PTPRJ: variants seen among roughly 807,000 people sequenced by gnomAD.
PTPRJ encodes the protein protein tyrosine phosphatase receptor type J, also known as receptor-type tyrosine-protein phosphatase eta.
Under a neutral mutation model 141.3 loss-of-function variants are expected in PTPRJ, and 129 were observed. The observed-to-expected ratio is 0.91, with a 90% CI of 0.79 to 1.06. The LOEUF is 1.06. Ranked by LOEUF, PTPRJ falls within the 50% of genes least tolerant of loss-of-function variation. PTPRJ has a pLI of 0.00. For synonymous variants in PTPRJ, 610 were observed against 640.5 expected, an observed-to-expected ratio of 0.95 and a Z score of 0.72; for missense variants, 1,601 against 1,679.7, an observed-to-expected ratio of 0.95 and a Z score of 0.82.
intron 4 of PTPRJ, among the ~76,000 whole-genome samples, chr11:48,122,615 A>G (rs1856732391): frequency 1.3e-5 from 2 of 152,166 alleles, no homozygotes; most frequent in African/African-American, 2.4e-5. Flanking sequence ...CCGGAGTCTA[A>G]CTCTAGACCA....
At chr11:48,071,157 C>T (rs1196178328) in intron 1 of PTPRJ, among the ~76,000 whole-genome samples, 6 of 152,176 alleles carry the variant, frequency 3.9e-5, no homozygotes, top group Admixed American at 3.3e-4. Flanking sequence ...GTTCACTTTT[C>T]TTCCAGTGCA....
chr11:48,145,558 G>GTTTTTTTTTTTTTTTTTT (rs574426609), intron 14 of PTPRJ, among the ~76,000 whole-genome samples: 2 of 117,504 alleles, frequency 1.7e-5, no homozygotes, highest in African/African-American at 3.2e-5. Context: ...TTTATTTTAT[G>GTTTTTTTTTTTTTTTTTT]TTTTTTTTTT....
chr11:48,023,004 G>A (rs998391350), intron 1 of PTPRJ, among the ~76,000 whole-genome samples: 7 of 152,072 alleles, frequency 4.6e-5, no homozygotes, highest in Non-Finnish European at 7.4e-5. Flanking sequence ...GGGATAGGGC[G>A]GTGGGTAAAA....
intron 1 of PTPRJ, among the ~76,000 whole-genome samples, chr11:48,040,483 A>T (rs532167055): frequency 6.6e-6 from 1 of 152,270 alleles, no homozygotes; most frequent in South Asian, 2.1e-4. Flanking sequence ...TTGTTTCTAA[A>T]GTGCAGATCT....
At chr11:48,066,563 T>G (rs1565285768) in intron 1 of PTPRJ, among the ~76,000 whole-genome samples, 1 of 78,412 alleles carries the variant, frequency 1.3e-5, no homozygotes, top group Non-Finnish European at 2.5e-5. Flanking sequence ...CGTATTATTA[T>G]TATTATTATT....
intron 8 of PTPRJ, chr11:48,132,081 G>A: frequency 4.3e-6 from 4 of 936,186 alleles, no homozygotes; most frequent in Non-Finnish European, 5.1e-6. Flanking sequence ...TTTTAAGATG[G>A]TAAAGAAGTC....
At chr11:48,048,986 C>T (rs1415603121) in intron 1 of PTPRJ, among the ~76,000 whole-genome samples, 2 of 152,066 alleles carry the variant, frequency 1.3e-5, no homozygotes, top group African/African-American at 4.8e-5. Flanking sequence ...TGTGTGGCAC[C>T]CAGAGAGCAC....
chr11:48,141,064 C>T (rs1428234614), intron 11 of PTPRJ, among the ~76,000 whole-genome samples: 7 of 152,112 alleles, frequency 4.6e-5, no homozygotes, highest in Middle Eastern at 3.4e-3. Flanking sequence ...ACAGGCTGGG[C>T]GTGGTGGCTT....
intron 1 of PTPRJ, among the ~76,000 whole-genome samples, chr11:48,104,448 G>A (rs1287150483): frequency 1.3e-5 from 2 of 152,130 alleles, no homozygotes; most frequent in Non-Finnish European, 1.5e-5. Flanking sequence ...TGCTTGAAGC[G>A]GTTCACATTT....
chr11:48,032,532 G>T (rs960468452), intron 1 of PTPRJ, among the ~76,000 whole-genome samples: 2 of 152,042 alleles, frequency 1.3e-5, no homozygotes, highest in African/African-American at 4.8e-5. Context: ...GGCAGAGGTG[G>T]GTGGATCGCC....
At chr11:48,110,139 C>T in intron 2 of PTPRJ, 63 bp downstream of exon 2, 1 of 1,477,858 alleles carries the variant, frequency 6.8e-7, no homozygotes, top group East Asian at 2.3e-5. Context: ...GGACACACAG[C>T]AACATTAACA....
chr11:48,128,039 C>T lies in PTPRJ; in HGVS notation c.1353C>T (p.His451=). ...GCACGCCGGGCTTCCTCCAAGTGCACACCCGTGAGTTCATGCCTGGCTCTC... is the reference window on the plus strand; with the variant it reads ...GCACGCCGGGCTTCCTCCAAGTGCATACCCGTGAGTTCATGCCTGGCTCTC... ...IEGTPGFLQV[H]TPPVPVSDFR... The change falls in exon 7 of 25, where the codon CAC becomes CAT. Residue 451 remains histidine, a synonymous_variant. Transcript: ENST00000418331. The T allele has an allele frequency of 2.5e-6, 4 of 1,612,320 alleles. No homozygotes were observed. The highest frequency in any genetic ancestry group is 3.4e-6 in the Non-Finnish European group (4 of 1,178,504).
intron 10 of PTPRJ, among the ~76,000 whole-genome samples, chr11:48,139,211 C>A: frequency 6.6e-6 from 1 of 152,196 alleles, no homozygotes; most frequent in Non-Finnish European, 1.5e-5. Flanking sequence ...ACAGCTGACT[C>A]TCATGGAGCC....
intron 3 of PTPRJ, among the ~76,000 whole-genome samples, chr11:48,120,495 G>A (rs529968269): frequency 2.0e-5 from 3 of 152,138 alleles, no homozygotes; most frequent in South Asian, 2.1e-4. Flanking sequence ...GCGCGATCTT[G>A]GCTCACTGCA....
At chr11:48,041,906 C>A (rs1392186318) in intron 1 of PTPRJ, among the ~76,000 whole-genome samples, 1 of 146,936 alleles carries the variant, frequency 6.8e-6, no homozygotes, top group Non-Finnish European at 1.5e-5. Flanking sequence ...AGCTACCGCA[C>A]CCAGCCTGAC....
At position 48,118,852 on chromosome 11, in the gene PTPRJ, CT is replaced by C. The variant is rs1242257314; in HGVS notation, c.353-2149del. 3.3e-5 allele frequency among the ~76,000 whole-genome samples: 5 copies of C among 151,848 alleles called. No homozygotes were observed. The East Asian group carries it at 9.6e-4, about 29-fold the overall frequency. On this transcript the variant is annotated intron_variant, in intron 3 of 24. Transcript: ENST00000418331. ...AAATTTAGTTCTTAACACATTTCTC[CT>C]TCTTTAAAATGGTGACATTAGCTGG...
chr11:48,057,042 C>T (rs1413400962), intron 1 of PTPRJ, among the ~76,000 whole-genome samples: 2 of 152,294 alleles, frequency 1.3e-5, no homozygotes, highest in African/African-American at 2.4e-5. Flanking sequence ...AGAGCAGGGA[C>T]TTTAGAGTCA....
chr11:48,103,852 C>T (rs1856219603), intron 1 of PTPRJ, among the ~76,000 whole-genome samples: 1 of 152,184 alleles, frequency 6.6e-6, no homozygotes, highest in Non-Finnish European at 1.5e-5. Context: ...CCAAAATAGC[C>T]CTTCTGGGTA....
At chr11:47,992,671 A>G (rs955224413) in intron 1 of PTPRJ, among the ~76,000 whole-genome samples, 1 of 152,216 alleles carries the variant, frequency 6.6e-6, no homozygotes, top group Non-Finnish European at 1.5e-5. Flanking sequence ...TGGAAAACCA[A>G]ATCATAGACT....
Sources: allele counts gnomAD v4.1 joint callset (sites outside exome capture counted in the v4.1 genomes callset), GRCh38; gene constraint gnomAD v4.1.1; transcripts MANE v1.5; gene names NCBI Gene and HGNC (gene_info 2026-07-23, HGNC 2026-07-21).